The following UBE2F variants were observed in gnomAD, a reference collection of about 807,000 sequenced individuals.
UBE2F encodes ubiquitin conjugating enzyme E2 F (putative).
Under a neutral mutation model 29.6 loss-of-function variants are expected in UBE2F, and 5 were observed. That is an observed-to-expected ratio of 0.17 (90% CI 0.09 to 0.36). The LOEUF is 0.36. Among genes scored for constraint, UBE2F ranks in the 10% least tolerant of loss-of-function variants. The pLI is 1.00. For missense variants in UBE2F, 141 were observed against 228.5 expected, an observed-to-expected ratio of 0.62 and a Z score of 2.47; for synonymous variants, 66 against 81.8, an observed-to-expected ratio of 0.81 and a Z score of 1.04.
rs776520139 is a variant in UBE2F, at chr2:237,973,187, C to T, written c.80C>T (p.Thr27Ile). The part of the protein sequence containing the change: ...SRTAATASDS[T>I]RRVSVRDKLL... ...ACGGCAGCCACAGCGTCCGACTCGA[C>T]TCGGAGGGTTTCTGTGAGAGACAAA... The change falls in exon 2 of 10, where the codon ACT becomes ATT. Residue 27 changes from threonine to isoleucine, a missense_variant. Physicochemically the swap from Thr to Ile is moderately conservative, Grantham distance 89 (BLOSUM62 -1). Transcript: ENST00000272930. The T allele has an allele frequency of 1.2e-6, 2 of 1,614,028 alleles. No individual in the cohort carries two copies. Among genetic ancestry groups the T allele is most frequent in the South Asian group, 1.1e-5 (1 of 91,082 alleles).
intron 5 of UBE2F, among the ~76,000 whole-genome samples, chr2:238,024,477 C>G (rs886960462): frequency 2.0e-5 from 3 of 152,114 alleles, no homozygotes; most frequent in African/African-American, 7.2e-5. Context: ...TCCTGAGTAG[C>G]TGGGACTACA....
intron 9 of UBE2F, among the ~76,000 whole-genome samples, chr2:238,038,745 C>T (rs911041548): frequency 3.9e-5 from 6 of 152,204 alleles, no homozygotes; most frequent in African/African-American, 4.8e-5. Context: ...TAAGCAGTGC[C>T]GCCCCATCCC....
At chr2:238,010,849 G>C (rs1446515253) in intron 4 of UBE2F, among the ~76,000 whole-genome samples, 2 of 152,154 alleles carry the variant, frequency 1.3e-5, no homozygotes, top group Non-Finnish European at 2.9e-5. Flanking sequence ...TAATGTGTCT[G>C]ATTTGAACTT....
intron 6 of UBE2F, among the ~76,000 whole-genome samples, chr2:238,029,631 A>T (rs1332548551): frequency 6.6e-6 from 1 of 151,514 alleles, no homozygotes; most frequent in Non-Finnish European, 1.5e-5. Flanking sequence ...TTAAAATGTC[A>T]TATGCTGGGA....
intron 4 of UBE2F, among the ~76,000 whole-genome samples, chr2:237,995,732 A>C (rs2063677524): frequency 6.6e-6 from 1 of 152,214 alleles, no homozygotes; most frequent in African/African-American, 2.4e-5. Context: ...TGATAATAAT[A>C]GCACAAGAAA....
At chr2:238,026,149 G>A (rs377323532) in intron 6 of UBE2F, among the ~76,000 whole-genome samples, 5 of 152,166 alleles carry the variant, frequency 3.3e-5, no homozygotes, top group Admixed American at 1.3e-4. Context: ...CCAGCTCGCC[G>A]CCCCCGCCCC....
chr2:237,988,816 C>T (rs1173573194), intron 3 of UBE2F, among the ~76,000 whole-genome samples: 3 of 152,148 alleles, frequency 2.0e-5, no homozygotes, highest in Admixed American at 1.3e-4. Context: ...GCAAAGTTCT[C>T]ATTTGTAACT....
intron 3 of UBE2F, among the ~76,000 whole-genome samples, chr2:237,992,811 A>G (rs2063617210): frequency 6.6e-6 from 1 of 152,216 alleles, no homozygotes; most frequent in Non-Finnish European, 1.5e-5. Flanking sequence ...CTGAGTAGAA[A>G]TTTGAATTGT....
Position 238,041,477 on chromosome 2 carries a change from T to TAG in UBE2F, c.*139_*140insAG, listed in dbSNP as rs2064836915. ...CCCCAGTCCTGTGACCATGTTGCCCTGAAGAAGACCATCTTCATGACTGCT... is the reference window on the plus strand; with the variant it reads ...CCCCAGTCCTGTGACCATGTTGCCCTAGGAAGAAGACCATCTTCATGACTGCT... On this transcript the variant is annotated 3_prime_UTR_variant, in exon 10 of 10. Transcript: ENST00000272930. 8 of 729,754 alleles carry TAG rather than the reference T, an allele frequency of 1.1e-5. No homozygotes were observed. The highest frequency in any genetic ancestry group is 1.9e-5 in the Non-Finnish European group (8 of 423,772). 45.2% of individuals were successfully genotyped at this position (729,754 alleles called of 1,614,324 possible). A position where few individuals can be genotyped will look rare whatever the true frequency, so the allele number is the denominator to read the frequency against.
chr2:238,027,669 T>G (rs1004171602), intron 6 of UBE2F, among the ~76,000 whole-genome samples: 4 of 152,240 alleles, frequency 2.6e-5, no homozygotes, highest in Non-Finnish European at 5.9e-5. Flanking sequence ...CAGATTGATG[T>G]ACGGGGACCA....
At chr2:237,988,853 A>G (rs1311678881) in intron 3 of UBE2F, among the ~76,000 whole-genome samples, 8 of 152,192 alleles carry the variant, frequency 5.3e-5, no homozygotes, top group African/African-American at 1.9e-4. Context: ...GGGTGGCTGC[A>G]CTGCCTTGCT....
chr2:237,968,113 G>C (rs1020827585), intron 1 of UBE2F, among the ~76,000 whole-genome samples: 1 of 152,152 alleles, frequency 6.6e-6, no homozygotes, highest in African/African-American at 2.4e-5. Flanking sequence ...AGGGTGTTGT[G>C]AAGGAACAAA....
At chr2:237,988,462 T>C (rs559829097) in intron 3 of UBE2F, among the ~76,000 whole-genome samples, 7 of 150,000 alleles carry the variant, frequency 4.7e-5, no homozygotes, top group Admixed American at 2.0e-4. Flanking sequence ...AAAAAAAAAA[T>C]TGGATTAGCT....
At chr2:237,980,759 G>A (rs539083439) in intron 2 of UBE2F, among the ~76,000 whole-genome samples, 1 of 152,326 alleles carries the variant, frequency 6.6e-6, no homozygotes, top group East Asian at 1.9e-4. Context: ...AGCACCCCAT[G>A]TGTGCCCAGC....
chr2:238,006,759 CTTT>C (rs60514924), intron 4 of UBE2F, among the ~76,000 whole-genome samples: 145 of 125,582 alleles, frequency 1.2e-3, no homozygotes, highest in Middle Eastern at 8.0e-3. Flanking sequence ...TTTCTTTTTT[CTTT>C]TTTTTTTTTT....
At chr2:238,026,758 G>C (rs2064442082) in intron 6 of UBE2F, among the ~76,000 whole-genome samples, 1 of 152,118 alleles carries the variant, frequency 6.6e-6, no homozygotes, top group African/African-American at 2.4e-5. Context: ...CACAAGTACA[G>C]TTAGTGCCCA....
At chr2:238,030,140 G>A (rs2064539820) in intron 6 of UBE2F, among the ~76,000 whole-genome samples, 1 of 151,866 alleles carries the variant, frequency 6.6e-6, no homozygotes, top group Non-Finnish European at 1.5e-5. Context: ...TGTTGCCCAG[G>A]CTGGTCTCAA....
chr2:237,991,578 G>T (rs1487859874), intron 3 of UBE2F, among the ~76,000 whole-genome samples: 7 of 116,272 alleles, frequency 6.0e-5, no homozygotes, highest in Admixed American at 8.7e-5. Flanking sequence ...TTTTTTTTTA[G>T]AACTTAACCT....
chr2:238,019,076 C>T (rs538007591), intron 5 of UBE2F, among the ~76,000 whole-genome samples: 1 of 152,124 alleles, frequency 6.6e-6, no homozygotes, highest in Admixed American at 6.5e-5. Flanking sequence ...TCCCCAGCCC[C>T]CCTCTCCCCT....
Sources: allele counts gnomAD v4.1 joint callset (sites outside exome capture counted in the v4.1 genomes callset), GRCh38; gene constraint gnomAD v4.1.1; transcripts MANE v1.5; gene names NCBI Gene and HGNC (gene_info 2026-07-23, HGNC 2026-07-21).